MAP3K2: variants seen among roughly 807,000 people sequenced by gnomAD.
The protein encoded by MAP3K2 is MAP/ERK kinase kinase 2.
MAP3K2 carries 24 observed loss-of-function variants against 80.3 expected under a neutral mutation model. That is an observed-to-expected ratio of 0.30 (90% CI 0.22 to 0.42). MAP3K2 has a LOEUF of 0.42. MAP3K2 is among the 10% of genes least tolerant of loss of function. The probability of loss-of-function intolerance (pLI) is 1.00; values close to 1 mark genes in which losing one functional copy is unlikely to be tolerated. For missense variants in MAP3K2, 608 were observed against 750.1 expected (o/e 0.81, Z 2.21); for synonymous variants, 244 against 253.7 (o/e 0.96, Z 0.36).
In MAP3K2 at chr2:127,334,706, G is replaced by A. The variant is rs142163359; in HGVS notation, c.264+1164C>T. The stretch of plus-strand genomic sequence containing the variant: ...TGATCCTCCTGCCTTGGCCTCCCCC[G>A]ATGTGCTGGGATTATAGGCATGAGC... On this transcript the variant is annotated intron_variant, in intron 5 of 16. Coordinates refer to ENST00000682094, the MANE Select transcript of MAP3K2 (RefSeq NM_001371910.2). 4.1e-3 allele frequency among the ~76,000 whole-genome samples: 624 copies of A among 151,478 alleles called. 5 individuals carry two copies. The highest frequency in any genetic ancestry group is 0.014 in the African/African-American group (581 of 41,240).
chr2:127,354,013 A>C (rs937007925), intron 1 of MAP3K2, among the ~76,000 whole-genome samples: 14 of 151,942 alleles, frequency 9.2e-5, no homozygotes, highest in Non-Finnish European at 1.6e-4. Context: ...GCGGTACAAG[A>C]TGTGCTTTGT....
intron 1 of MAP3K2, among the ~76,000 whole-genome samples, chr2:127,366,523 T>C (rs1271250184): frequency 6.6e-6 from 1 of 152,142 alleles, no homozygotes. Context: ...TTTCGTGATG[T>C]ATAGTTTGTC....
At chr2:127,366,130 G>T (rs140698214) in intron 1 of MAP3K2, among the ~76,000 whole-genome samples, 5 of 152,122 alleles carry the variant, frequency 3.3e-5, no homozygotes, top group Non-Finnish European at 7.4e-5. Context: ...CAAAAAAGTC[G>T]TATCTCACTA....
chr2:127,384,213 GATATAT>G (rs35560058), intron 1 of MAP3K2, among the ~76,000 whole-genome samples: 26 of 144,466 alleles, frequency 1.8e-4, no homozygotes, highest in African/African-American at 4.9e-4. Flanking sequence ...ATTTTTAATT[GATATAT>G]ATATATATAT....
chr2:127,383,639 T>C (rs1687290044), intron 1 of MAP3K2, among the ~76,000 whole-genome samples: 1 of 152,174 alleles, frequency 6.6e-6, no homozygotes, highest in South Asian at 2.1e-4. Flanking sequence ...TATTTTGACT[T>C]TTCCAACTTG....
intron 1 of MAP3K2, among the ~76,000 whole-genome samples, chr2:127,381,901 G>A (rs1687251386): frequency 8.2e-6 from 1 of 121,578 alleles, no homozygotes; most frequent in Non-Finnish European, 1.8e-5. Flanking sequence ...ACAGGAACAA[G>A]CTAAACAATG....
chr2:127,315,684 C>T (rs1463184567), intron 14 of MAP3K2, among the ~76,000 whole-genome samples: 1 of 152,184 alleles, frequency 6.6e-6, no homozygotes, highest in Admixed American at 6.6e-5. Flanking sequence ...CCTGTAATCC[C>T]AGCACTTTGG....
intron 1 of MAP3K2, among the ~76,000 whole-genome samples, chr2:127,385,063 T>C (rs540391485): frequency 9.2e-5 from 14 of 151,832 alleles, no homozygotes; most frequent in Admixed American, 2.0e-4. Context: ...ACTTAGATGA[T>C]AGGTGATAAG....
At chr2:127,324,282 G>GTT (rs1452035945) in intron 9 of MAP3K2, 41 bp from the exon 10 acceptor site, 15 of 1,201,156 alleles carry the variant, frequency 1.2e-5, no homozygotes, top group Non-Finnish European at 1.6e-5. Flanking sequence ...CAGAAAGAAC[G>GTT]TAAGACATTA....
In MAP3K2 at chr2:127,298,794, T is replaced by A. The variant is rs1236770124; in HGVS notation, c.*8785A>T. ...CCACAATCTTTCAAAAAAATGAACA[T>A]GTAAGAAAAAGCAGTTTTCATTGTG... On this transcript the variant is annotated 3_prime_UTR_variant, in exon 17 of 17. Coordinates refer to ENST00000682094, the MANE Select transcript of MAP3K2 (RefSeq NM_001371910.2). 1.3e-5 allele frequency: 2 copies of A among 152,194 alleles called. No individual in the cohort carries two copies. Among genetic ancestry groups the A allele is most frequent in the East Asian group, 1.9e-4 (1 of 5,196 alleles). 9.4% of individuals were successfully genotyped at this position (152,194 alleles called of 1,614,324 possible).
At chr2:127,354,707 T>C (rs1686767393) in intron 1 of MAP3K2, among the ~76,000 whole-genome samples, 1 of 152,018 alleles carries the variant, frequency 6.6e-6, no homozygotes, top group Non-Finnish European at 1.5e-5. Context: ...ATTCATAATA[T>C]ATGGTATTGA....
Position 127,387,661 on chromosome 2 carries a change from G to T in MAP3K2, c.-275C>A, listed in dbSNP as rs935888479. 2 of 985,040 alleles carry T rather than the reference G, an allele frequency of 2.0e-6. No homozygotes were observed. Among genetic ancestry groups the T allele is most frequent in the Non-Finnish European group, 2.4e-6 (2 of 829,860 alleles). The allele number at this position is 985,040 out of a possible 1,614,324, so 61.0% of individuals were successfully genotyped here. On this transcript the variant is annotated 5_prime_UTR_variant, in exon 1 of 17. Transcript: ENST00000682094. ...TTTCACATGAAGCCCGGGCCGGGCG[G>T]GGTGGCGGGCGCGTGAATCCTCGCA...
chr2:127,321,964 C>T lies in MAP3K2; in HGVS notation c.1045+82G>A, dbSNP rs1686029026. The T allele has an allele frequency of 8.0e-7, 1 of 1,243,470 alleles. No homozygotes were observed. The highest frequency in any genetic ancestry group is 1.1e-6 in the Non-Finnish European group (1 of 874,766). The allele number at this position is 1,243,470 out of a possible 1,614,324, so 77.0% of individuals were successfully genotyped here. ...TAGTTCATCTGACCCCAAAAACTCA[C>T]TTAGTATTTATTCCTTTTAATAATA... On this transcript the variant is annotated intron_variant, in intron 12 of 16. Coordinates refer to ENST00000682094, the MANE Select transcript of MAP3K2 (RefSeq NM_001371910.2). This position sits in a 1 kb window ranked among gnomAD's most constrained non-coding sequence, Gnocchi z 4.4.
intron 5 of MAP3K2, among the ~76,000 whole-genome samples, chr2:127,335,526 C>G (rs181658533): frequency 3.9e-5 from 6 of 152,320 alleles, no homozygotes; most frequent in Non-Finnish European, 5.9e-5. Flanking sequence ...TACCAAAGCT[C>G]TGTCATCTGT....
intron 1 of MAP3K2, among the ~76,000 whole-genome samples, chr2:127,372,697 A>G (rs923322892): frequency 6.6e-6 from 1 of 152,160 alleles, no homozygotes; most frequent in African/African-American, 2.4e-5. Flanking sequence ...TAATGGCCAC[A>G]GTTATTCCTC....
Position 127,343,208 on chromosome 2 carries a change from A to G in MAP3K2, c.-65-14T>C, listed in dbSNP as rs1686533520. The G allele has an allele frequency of 9.5e-7, 1 of 1,047,718 alleles. No individual in the cohort carries two copies. The highest frequency in any genetic ancestry group is 1.4e-6 in the Non-Finnish European group (1 of 708,322). The allele number at this position is 1,047,718 out of a possible 1,614,324, so 64.9% of individuals were successfully genotyped here. A position where few individuals can be genotyped will look rare whatever the true frequency, so the allele number is the denominator to read the frequency against. Reference sequence around the variant, plus strand: ...ATTCTTTATGGCCTGAGAAGATAAAACAGATCAGCATATTAATAAAAAGAA... The same window carrying G: ...ATTCTTTATGGCCTGAGAAGATAAAGCAGATCAGCATATTAATAAAAAGAA... On this transcript the variant is annotated splice_polypyrimidine_tract_variant and intron_variant, in intron 1 of 16. Transcript: ENST00000682094.
At chr2:127,320,177 C>T (rs1158930048) in intron 12 of MAP3K2, among the ~76,000 whole-genome samples, 1 of 152,050 alleles carries the variant, frequency 6.6e-6, no homozygotes, top group Admixed American at 6.5e-5. Flanking sequence ...TTAATACAAC[C>T]AGACTCAGGA....
At chr2:127,320,687 AAAG>A (rs1437038932) in intron 12 of MAP3K2, among the ~76,000 whole-genome samples, 2 of 152,252 alleles carry the variant, frequency 1.3e-5, no homozygotes, top group Non-Finnish European at 2.9e-5. Flanking sequence ...GTAGAAAATC[AAAG>A]ACAAAATCTT....
intron 5 of MAP3K2, among the ~76,000 whole-genome samples, chr2:127,331,945 T>C (rs1276518560): frequency 6.6e-6 from 1 of 152,220 alleles, no homozygotes; most frequent in Non-Finnish European, 1.5e-5. Flanking sequence ...CAAACACGAA[T>C]ATAAAGAAGG....
Sources: gnomAD v4.1 joint callset for allele counts (sites outside exome capture counted in the v4.1 genomes callset) on GRCh38, gnomAD v4.1.1 for gene constraint, Gnocchi (gnomAD v3.1) non-coding constraint, MANE v1.5 for transcripts, NCBI Gene and HGNC (gene_info 2026-07-23, HGNC 2026-07-21) for gene names.